The following CENPC variants were observed in gnomAD, a reference collection of about 807,000 sequenced individuals.
The protein encoded by CENPC is CENP-C 1.
In CENPC, 63 loss-of-function variants were observed where a neutral mutation model predicts 112.1. The observed-to-expected ratio is 0.56, with a 90% CI of 0.46 to 0.69. CENPC has a LOEUF of 0.69. Ranked by LOEUF, CENPC falls within the 30% of genes least tolerant of loss-of-function variation. The probability of loss-of-function intolerance (pLI) is 0.00; values close to 1 mark genes in which losing one functional copy is unlikely to be tolerated. For synonymous variants in CENPC, 333 were observed against 367.6 expected, an observed-to-expected ratio of 0.91 and a Z score of 1.08; for missense variants, 1,000 against 1,103.8, an observed-to-expected ratio of 0.91 and a Z score of 1.33.
At chr4:67,518,130 C>T (rs1726111480) in intron 7 of CENPC, 26 bp downstream of exon 7, 3 of 1,282,974 alleles carry the variant, frequency 2.3e-6, no homozygotes, top group Non-Finnish European at 3.2e-6. Flanking sequence ...AAAAATGTCT[C>T]AAAGGGCAGT....
chr4:67,513,916 A>T (rs1055335073), intron 8 of CENPC, among the ~76,000 whole-genome samples, 158 bp downstream of exon 8: 1 of 152,122 alleles, frequency 6.6e-6, no homozygotes, highest in Admixed American at 6.5e-5. Context: ...ATTAAATTAT[A>T]TATAAAATAA....
chr4:67,473,316 G>C (rs560107337), intron 18 of CENPC, among the ~76,000 whole-genome samples: 1 of 152,222 alleles, frequency 6.6e-6, no homozygotes, highest in Admixed American at 6.5e-5. Flanking sequence ...CAGATGGACC[G>C]CAAGTATCAC....
intron 18 of CENPC, among the ~76,000 whole-genome samples, chr4:67,473,668 C>G (rs1724729851): frequency 6.6e-6 from 1 of 152,020 alleles, no homozygotes; most frequent in Non-Finnish European, 1.5e-5. Flanking sequence ...TCCTCCTGTC[C>G]CAGCCTCCCG....
chr4:67,494,809 T>C (rs953728070), intron 13 of CENPC, among the ~76,000 whole-genome samples: 2 of 152,188 alleles, frequency 1.3e-5, no homozygotes, highest in Non-Finnish European at 2.9e-5. Flanking sequence ...AGGAGTCAAC[T>C]GGATTAAAGT....
intron 9 of CENPC, among the ~76,000 whole-genome samples, chr4:67,510,048 G>C (rs1416245212): frequency 6.6e-6 from 1 of 152,056 alleles, no homozygotes; most frequent in East Asian, 1.9e-4. Flanking sequence ...TTTCTCTAAA[G>C]CACTGGTTGT....
chr4:67,531,562 T>C (rs1180918544), intron 4 of CENPC, among the ~76,000 whole-genome samples: 3 of 152,192 alleles, frequency 2.0e-5, no homozygotes, highest in Non-Finnish European at 2.9e-5. Context: ...GTGGTGAACA[T>C]CTGCTTTCTT....
chr4:67,543,293 T>C (rs932118140), intron 2 of CENPC, among the ~76,000 whole-genome samples: 1 of 152,226 alleles, frequency 6.6e-6, no homozygotes, highest in African/African-American at 2.4e-5. Context: ...ATTCCTACTT[T>C]GGTTCCTTCG....
chr4:67,490,176 A>G (rs1042848427), intron 16 of CENPC, 55 bp from the exon 17 acceptor site: 22 of 1,248,380 alleles, frequency 1.8e-5, no homozygotes, highest in Non-Finnish European at 2.2e-5. Context: ...GGTTAATGAT[A>G]TAACATATAC....
Position 67,514,204 on chromosome 4 carries a change from C to T in CENPC, c.1314G>A (p.Gln438=), listed in dbSNP as rs749239486. 3.1e-6 allele frequency: 5 copies of T among 1,613,080 alleles called. No homozygotes were observed. The highest frequency in any genetic ancestry group is 3.4e-6 in the Non-Finnish European group (4 of 1,179,634). Residue 438 remains glutamine, a synonymous_variant, in exon 8 of 19, where the codon CAG becomes CAA. Transcript: ENST00000273853. Reference sequence around the variant, plus strand: ...ATGTATGTATGTTTTCATCTTTAGACTGTCCCACATCAAGCTGTTCTTCAG... The same window carrying T: ...ATGTATGTATGTTTTCATCTTTAGATTGTCCCACATCAAGCTGTTCTTCAG... The part of the protein sequence containing the change: ...KPAEEQLDVG[Q]SKDENIHTSH...
At chr4:67,537,921 C>T (rs531963175) in intron 4 of CENPC, among the ~76,000 whole-genome samples, 7 of 152,264 alleles carry the variant, frequency 4.6e-5, no homozygotes, top group African/African-American at 1.7e-4. Flanking sequence ...AAGTTCAAGG[C>T]TTCAGAGAGC....
intron 8 of CENPC, among the ~76,000 whole-genome samples, chr4:67,513,814 C>T (rs919009890): frequency 2.6e-5 from 4 of 151,880 alleles, no homozygotes; most frequent in Admixed American, 6.6e-5. Flanking sequence ...ATTCATCTTC[C>T]GATACTAACT....
chr4:67,529,676 C>T (rs547969957), intron 5 of CENPC, among the ~76,000 whole-genome samples: 1 of 152,030 alleles, frequency 6.6e-6, no homozygotes, highest in Non-Finnish European at 1.5e-5. Context: ...TGTAAAAAAC[C>T]TAAATAACAT....
intron 17 of CENPC, among the ~76,000 whole-genome samples, chr4:67,481,177 C>T (rs1292648326): frequency 1.3e-5 from 2 of 152,122 alleles, no homozygotes; most frequent in African/African-American, 2.4e-5. Flanking sequence ...AAATCAAGAA[C>T]TCAACTCCTT....
At chr4:67,544,051 T>C in intron 2 of CENPC, 98 bp downstream of exon 2, 1 of 685,838 alleles carries the variant, frequency 1.5e-6, no homozygotes. Flanking sequence ...ACAGAAATCA[T>C]TATATTAGTC....
intron 4 of CENPC, among the ~76,000 whole-genome samples, chr4:67,532,238 C>G (rs1005587389): frequency 6.6e-6 from 1 of 152,148 alleles, no homozygotes; most frequent in African/African-American, 2.4e-5. Flanking sequence ...ATTAAAAAGT[C>G]AGGAAACAAC....
intron 2 of CENPC, among the ~76,000 whole-genome samples, chr4:67,543,323 T>C (rs904832397): frequency 5.3e-5 from 8 of 152,204 alleles, no homozygotes; most frequent in Admixed American, 5.2e-4. Context: ...TTTCTATGTC[T>C]GGAATATACT....
At position 67,483,231 on chromosome 4, in the gene CENPC, T is replaced by C. The variant is rs1038838815; in HGVS notation, c.2670+6736A>G. On this transcript the variant is annotated intron_variant, in intron 17 of 18. Coordinates refer to ENST00000273853, the MANE Select transcript of CENPC (RefSeq NM_001812.4). ...AGGAGTATGAGAAGGGACTAATACA[T>C]CCTGTAATCCCAGCTACTTGAGAGG... 5.3e-5 allele frequency among the ~76,000 whole-genome samples: 8 copies of C among 151,830 alleles called. No individual in the cohort carries two copies. The South Asian group carries it at 8.3e-4, about 16-fold the overall frequency.
At chr4:67,539,977 A>G (rs1394534934) in intron 3 of CENPC, 43 bp from the exon 4 acceptor site, 1 of 1,004,380 alleles carries the variant, frequency 1.0e-6, no homozygotes, top group Non-Finnish European at 1.4e-6. Flanking sequence ...GATATAGTGT[A>G]ATATCTATTA....
intron 2 of CENPC, 29 bp downstream of exon 2, chr4:67,544,120 A>C: frequency 8.2e-7 from 1 of 1,221,082 alleles, no homozygotes; most frequent in South Asian, 1.3e-5. Flanking sequence ...GAATAAAAAT[A>C]ATCTTAAAAG....
Sources: allele counts gnomAD v4.1 joint callset (sites outside exome capture counted in the v4.1 genomes callset), GRCh38; gene constraint gnomAD v4.1.1; transcripts MANE v1.5; gene names NCBI Gene and HGNC (gene_info 2026-07-23, HGNC 2026-07-21).